NEBL: variants seen among roughly 807,000 people sequenced by gnomAD.
NEBL encodes the protein LIM and SH3 protein 2.
In NEBL, 122 loss-of-function variants were observed where a neutral mutation model predicts 140.2. The observed-to-expected ratio is 0.87, with a 90% CI of 0.75 to 1.01. NEBL has a LOEUF of 1.01. Ranked by LOEUF, NEBL falls within the 50% of genes least tolerant of loss-of-function variation. The probability of loss-of-function intolerance (pLI) is 0.00; values close to 1 mark genes in which losing one functional copy is unlikely to be tolerated. For missense variants in NEBL, 1,365 were observed against 1,231.3 expected (o/e 1.11, Z -1.62); for synonymous variants, 436 against 398.9 (o/e 1.09, Z -1.11).
intron 3 of NEBL, among the ~76,000 whole-genome samples, chr10:21,236,800 TAAC>T (rs1314748647): frequency 6.6e-6 from 1 of 152,300 alleles, no homozygotes; most frequent in East Asian, 1.9e-4. Flanking sequence ...TAAACTCCAC[TAAC>T]AACTACAACA....
chr10:21,006,327 AT>A (rs1312743327), intron 3 of NEBL, among the ~76,000 whole-genome samples: 6 of 152,178 alleles, frequency 3.9e-5, no homozygotes, highest in Admixed American at 3.9e-4. Flanking sequence ...AACAAAACGT[AT>A]TTGTGTCTTT....
At chr10:21,286,096 CT>C (rs1221058915) in intron 1 of NEBL, among the ~76,000 whole-genome samples, 9 of 152,172 alleles carry the variant, frequency 5.9e-5, no homozygotes, top group African/African-American at 2.2e-4. Context: ...ATGACCTTGG[CT>C]CTTTCTCAGC....
intron 2 of NEBL, among the ~76,000 whole-genome samples, chr10:21,156,054 C>T (rs1214543316): frequency 1.3e-5 from 2 of 152,206 alleles, no homozygotes; most frequent in African/African-American, 4.8e-5. Context: ...AAGTTAAAAA[C>T]ATCCATCACA....
rs563477511 is a variant in NEBL at position 20,896,891 on chromosome 10, G to A, written c.153+67C>T. ...TTCAGGGTTTCCCCCACAGCTCTAT[G>A]ACTCTATAACATAATAATACCACAG... On this transcript the variant is annotated intron_variant, in intron 2 of 27. Transcript: ENST00000377122. The A allele has an allele frequency of 2.2e-4, 281 of 1,273,688 alleles. No homozygotes were observed. The African/African-American group carries it at 3.8e-3, about 17-fold the overall frequency. The allele number at this position is 1,273,688 out of a possible 1,614,324, so 78.9% of individuals were successfully genotyped here. A position where few individuals can be genotyped will look rare whatever the true frequency, so the allele number is the denominator to read the frequency against.
At chr10:20,843,266 C>T (rs1841563871) in intron 12 of NEBL, among the ~76,000 whole-genome samples, 1 of 152,058 alleles carries the variant, frequency 6.6e-6, no homozygotes, top group East Asian at 1.9e-4. Context: ...CTGCCAGCAC[C>T]TTGATCTTGG....
intron 1 of NEBL, among the ~76,000 whole-genome samples, chr10:21,288,927 C>A (rs1474314663): frequency 1.4e-5 from 2 of 140,890 alleles, no homozygotes; most frequent in African/African-American, 5.2e-5. Flanking sequence ...CAGCTCACTA[C>A]AACCTCTGCC....
intron 19 of NEBL, 127 bp downstream of exon 19, chr10:20,823,081 T>G (rs921155606): frequency 7.1e-5 from 49 of 690,132 alleles, no homozygotes; most frequent in Non-Finnish European, 1.2e-4. Context: ...CTAGCTCCAC[T>G]TTTAAGGAAC....
At chr10:21,084,850 A>G (rs1451011518) in intron 2 of NEBL, among the ~76,000 whole-genome samples, 2 of 152,182 alleles carry the variant, frequency 1.3e-5, no homozygotes, top group African/African-American at 4.8e-5. Context: ...AAGACTCAAC[A>G]TGACTTTACC....
chr10:21,065,441 T>C (rs911532952), intron 2 of NEBL, among the ~76,000 whole-genome samples: 1 of 152,220 alleles, frequency 6.6e-6, no homozygotes, highest in African/African-American at 2.4e-5. Context: ...AAACAGGGAA[T>C]ATATGATAGT....
rs893434497 is a variant in NEBL, at chr10:21,182,341, C to T, written n.349-9864G>A. The stretch of plus-strand genomic sequence containing the variant: ...AATAATAATAACTAACTAGGTGTGG[C>T]GGTGTGTGCCTGTAGTCCCAGCTAC... On this transcript the variant is annotated intron_variant and non_coding_transcript_variant, in intron 3 of 8. Coordinates refer to the NEBL transcript ENST00000675702. Among the ~76,000 whole-genome samples, 9 of 152,018 alleles carry T rather than the reference C, an allele frequency of 5.9e-5. No homozygotes were observed. In the South Asian group the frequency reaches 1.0e-3, roughly 18 times the overall value.
intron 2 of NEBL, among the ~76,000 whole-genome samples, chr10:21,040,498 A>G (rs1246984541): frequency 1.3e-5 from 2 of 152,052 alleles, no homozygotes; most frequent in Admixed American, 6.6e-5. Flanking sequence ...CGAAGGAGAA[A>G]TAGAGGAGAG....
At chr10:21,176,240 C>A (rs1048538499), upstream of NEBL, among the ~76,000 whole-genome samples, 2 of 152,032 alleles carry the variant, frequency 1.3e-5, no homozygotes, top group Non-Finnish European at 2.9e-5. Flanking sequence ...TGGGCTCAAG[C>A]GATCCTCCCA....
chr10:20,863,311 A>T (rs1360936497), intron 7 of NEBL, among the ~76,000 whole-genome samples: 1 of 152,234 alleles, frequency 6.6e-6, no homozygotes, highest in African/African-American at 2.4e-5. Flanking sequence ...CAGCAAAGGC[A>T]CAAAAAAGCA....
intron 2 of NEBL, among the ~76,000 whole-genome samples, chr10:21,168,439 T>C (rs1441762140): frequency 2.0e-5 from 3 of 152,188 alleles, no homozygotes; most frequent in African/African-American, 4.8e-5. Flanking sequence ...ATAGCAGAAC[T>C]TGAATAACTG....
intron 2 of NEBL, among the ~76,000 whole-genome samples, chr10:21,124,393 T>A (rs1453041677): frequency 1.3e-5 from 2 of 152,188 alleles, no homozygotes; most frequent in South Asian, 4.1e-4. Context: ...TATCTTCTCC[T>A]CCACTTGCTG....
At chr10:21,147,027 G>C (rs536784435) in intron 2 of NEBL, among the ~76,000 whole-genome samples, 5 of 152,254 alleles carry the variant, frequency 3.3e-5, no homozygotes, top group African/African-American at 1.2e-4. Context: ...TGAAGGGCCT[G>C]AGGCTTCTAG....
intron 3 of NEBL, among the ~76,000 whole-genome samples, chr10:20,974,303 G>C (rs975342939): frequency 6.6e-6 from 1 of 150,774 alleles, no homozygotes; most frequent in Admixed American, 6.6e-5. Flanking sequence ...GCCCAGACTG[G>C]AATGCAGTGG....
chr10:21,105,805 C>T (rs908367419), intron 2 of NEBL, among the ~76,000 whole-genome samples: 7 of 152,132 alleles, frequency 4.6e-5, no homozygotes, highest in African/African-American at 9.7e-5. Context: ...TCCCACCAAC[C>T]GTGTAAAAGC....
chr10:21,157,396 C>T (rs1292751217), intron 2 of NEBL, among the ~76,000 whole-genome samples: 1 of 151,978 alleles, frequency 6.6e-6, no homozygotes, highest in Non-Finnish European at 1.5e-5. Flanking sequence ...ATGGTGAAAC[C>T]CGTCTCTACC....
Sources: allele counts gnomAD v4.1 joint callset (sites outside exome capture counted in the v4.1 genomes callset), GRCh38; gene constraint gnomAD v4.1.1; transcripts MANE v1.5; gene names NCBI Gene and HGNC (gene_info 2026-07-23, HGNC 2026-07-21).